Variants in PDE4D observed in about 807,000 individuals in gnomAD.
PDE4D encodes the protein phosphodiesterase 4D.
A neutral mutation model predicts 87.4 loss-of-function variants in PDE4D; 24 were observed. That is an observed-to-expected ratio of 0.27 (90% CI 0.20 to 0.39). PDE4D has a LOEUF of 0.39. Among genes scored for constraint, PDE4D ranks in the 10% least tolerant of loss-of-function variants. The probability of loss-of-function intolerance (pLI) is 1.00; values close to 1 mark genes in which losing one functional copy is unlikely to be tolerated. For missense variants in PDE4D, 714 were observed against 1,041.0 expected, an observed-to-expected ratio of 0.69 and a Z score of 4.32; for synonymous variants, 384 against 383.2, an observed-to-expected ratio of 1.00 and a Z score of -0.02.
At chr5:60,247,743 A>G (rs1411012743) in intron 1 of PDE4D, among the ~76,000 whole-genome samples, 1 of 151,820 alleles carries the variant, frequency 6.6e-6, no homozygotes, top group East Asian at 1.9e-4. Flanking sequence ...ACACACACAC[A>G]CAAGACAGAG....
chr5:59,045,186 A>G (rs958803606), intron 5 of PDE4D, among the ~76,000 whole-genome samples: 3 of 152,232 alleles, frequency 2.0e-5, no homozygotes, highest in Non-Finnish European at 4.4e-5. Flanking sequence ...TGAGTCCTCA[A>G]GAATGAAATA....
At chr5:59,586,744 G>A in intron 1 of PDE4D, 1 of 985,402 alleles carries the variant, frequency 1.0e-6, no homozygotes. Flanking sequence ...CCTTAAGGAA[G>A]GACTCTGGAA....
intron 1 of PDE4D, among the ~76,000 whole-genome samples, chr5:59,222,193 T>G (rs1752706568): frequency 6.6e-6 from 1 of 152,186 alleles, no homozygotes; most frequent in Non-Finnish European, 1.5e-5. Context: ...GTAATACAGT[T>G]CCAATCTACC....
chr5:59,276,255 C>T (rs1033751932), intron 1 of PDE4D: 3 of 397,542 alleles, frequency 7.5e-6, no homozygotes, highest in African/African-American at 6.6e-5. Context: ...CAAGAGACCT[C>T]ACAAAACTTA....
At chr5:59,974,106 G>A (rs933517919) in intron 3 of PDE4D, among the ~76,000 whole-genome samples, 1 of 152,154 alleles carries the variant, frequency 6.6e-6, no homozygotes, top group Non-Finnish European at 1.5e-5. Context: ...CCCGTTTACA[G>A]ACGAATGTTT....
At chr5:60,048,349 C>T (rs1291410043) in intron 2 of PDE4D, among the ~76,000 whole-genome samples, 1 of 152,106 alleles carries the variant, frequency 6.6e-6, no homozygotes, top group Admixed American at 6.5e-5. Flanking sequence ...TTAATTGGAG[C>T]ATTTAGTCCA....
At chr5:59,488,166 CAAAAAAAA>C (rs529078753) in intron 1 of PDE4D, among the ~76,000 whole-genome samples, 7 of 107,356 alleles carry the variant, frequency 6.5e-5, no homozygotes, top group Admixed American at 9.9e-5. Flanking sequence ...CATCAAGAGC[CAAAAAAAA>C]AAAAAAAAAA....
chr5:59,043,035 G>T (rs1330324110), intron 5 of PDE4D, among the ~76,000 whole-genome samples: 1 of 152,138 alleles, frequency 6.6e-6, no homozygotes, highest in South Asian at 2.1e-4. Flanking sequence ...GAGGTAAAAG[G>T]ATCCACTGTA....
intron 1 of PDE4D, among the ~76,000 whole-genome samples, chr5:59,650,634 G>A (rs1035358756): frequency 2.0e-5 from 3 of 152,072 alleles, no homozygotes; most frequent in African/African-American, 7.2e-5. Context: ...AAAAAAATAA[G>A]TAAACATAAC....
chr5:59,366,660 T>G (rs907772399), intron 1 of PDE4D, among the ~76,000 whole-genome samples: 2 of 152,220 alleles, frequency 1.3e-5, no homozygotes, highest in South Asian at 2.1e-4. Context: ...GAGTTGTTTT[T>G]GGGTTTTCTG....
At chr5:59,864,634 A>ACTC (rs1263826040) in intron 1 of PDE4D, among the ~76,000 whole-genome samples, 1 of 152,172 alleles carries the variant, frequency 6.6e-6, no homozygotes, top group African/African-American at 2.4e-5. Flanking sequence ...ATAGTTAGGG[A>ACTC]AGATTGCCCT....
At chr5:59,527,358 T>C (rs1228361296) in intron 1 of PDE4D, among the ~76,000 whole-genome samples, 2 of 152,222 alleles carry the variant, frequency 1.3e-5, no homozygotes, top group African/African-American at 4.8e-5. Flanking sequence ...CTATCCTTTT[T>C]CTAGTACTAT....
chr5:59,181,573 A>ATATATATATATAT (rs1162609708), intron 4 of PDE4D, among the ~76,000 whole-genome samples: 59 of 85,174 alleles, frequency 6.9e-4, no homozygotes, highest in Middle Eastern at 5.4e-3. Flanking sequence ...TATATATATT[A>ATATATATATATAT]GGTATATAAT....
Position 59,193,520 on chromosome 5 carries a change from T to A in PDE4D, c.664A>T (p.Ile222Phe). The change falls in exon 3 of 15, where the codon ATT becomes TTT. Residue 222 changes from isoleucine (I) to phenylalanine (F), a missense_variant. Ile to Phe is a conservative substitution (Grantham distance 21). Transcript: ENST00000340635. ...IASDIHGDDL[I>F]VTPFAQVLAS... ...CTTACCTGAGCAAATGGAGTCACAA[T>A]CAAGTCATCTCCGTGTCTGAAAAAT... is the stretch of plus-strand genomic sequence containing the variant. The A allele has an allele frequency of 6.2e-7, 1 of 1,613,702 alleles. No individual in the cohort carries two copies. The highest frequency in any genetic ancestry group is 8.5e-7 in the Non-Finnish European group (1 of 1,179,754).
chr5:59,330,266 C>G lies in PDE4D; in HGVS notation c.456-114298G>C, dbSNP rs575684779. On this transcript the variant is annotated intron_variant, in intron 1 of 14. Transcript: ENST00000340635. Reference sequence around the variant, plus strand: ...TTTCTTGATATTCTCCAAAGAGTAGCATTTAAGCAAAACCTGGTACAGAAG... The same window carrying G: ...TTTCTTGATATTCTCCAAAGAGTAGGATTTAAGCAAAACCTGGTACAGAAG... Among the ~76,000 whole-genome samples, 226 of 152,302 alleles carry G rather than the reference C, an allele frequency of 1.5e-3. 1 individual carries two copies. Among genetic ancestry groups the G allele is most frequent in the African/African-American group, 5.2e-3 (215 of 41,570 alleles).
intron 1 of PDE4D, among the ~76,000 whole-genome samples, chr5:59,845,558 G>A (rs1294635765): frequency 1.3e-5 from 2 of 152,126 alleles, no homozygotes; most frequent in Non-Finnish European, 2.9e-5. Flanking sequence ...AGCAACACAT[G>A]TGAATACAAT....
intron 1 of PDE4D, among the ~76,000 whole-genome samples, chr5:60,432,452 G>A (rs1378443312): frequency 6.6e-6 from 1 of 152,130 alleles, no homozygotes; most frequent in African/African-American, 2.4e-5. Context: ...GGTCTGATCA[G>A]GGTTTAAATT....
chr5:60,200,775 T>A (rs2149544187), intron 1 of PDE4D, among the ~76,000 whole-genome samples: 1 of 152,290 alleles, frequency 6.6e-6, no homozygotes, highest in Admixed American at 6.5e-5. Flanking sequence ...AAGATCCATA[T>A]TATTCATGAG....
intron 2 of PDE4D, among the ~76,000 whole-genome samples, chr5:60,062,934 G>A (rs1201141705): frequency 6.6e-6 from 1 of 151,982 alleles, no homozygotes; most frequent in East Asian, 1.9e-4. Flanking sequence ...GGCACGAGGG[G>A]AGGGAGAGCA....
Sources: allele counts gnomAD v4.1 joint callset (sites outside exome capture counted in the v4.1 genomes callset), GRCh38; gene constraint gnomAD v4.1.1; transcripts MANE v1.5; gene names NCBI Gene and HGNC (gene_info 2026-07-23, HGNC 2026-07-21).